The following MACC1 variants were observed in gnomAD, a reference collection of about 807,000 sequenced individuals.
MACC1 encodes the protein metastasis-associated in colon cancer protein 1.
A neutral mutation model predicts 70.7 loss-of-function variants in MACC1; 79 were observed. That is an observed-to-expected ratio of 1.12 (90% CI 0.93 to 1.35). The LOEUF is 1.35. MACC1 is among the 40% of genes most tolerant of loss of function. MACC1 has a pLI of 0.00. For synonymous variants in MACC1, 361 were observed against 347.2 expected (o/e 1.04, Z -0.44); for missense variants, 1,106 against 978.1 (o/e 1.13, Z -1.74).
Position 20,186,113 on chromosome 7 carries a change from T to C in MACC1, c.-217-15335A>G, listed in dbSNP as rs147230830. The stretch of plus-strand genomic sequence containing the variant: ...GACAGAGCTACTATTACATTTACGA[T>C]AGAGTTCCAGTTCAGTAAAGCCTAG... On this transcript the variant is annotated intron_variant, in intron 1 of 6. Transcript: ENST00000400331. Among the ~76,000 whole-genome samples, 1,292 of 152,354 alleles carry C rather than the reference T, an allele frequency of 8.5e-3. 21 individuals are homozygous for C. The highest frequency in any genetic ancestry group is 0.028 in the African/African-American group (1,181 of 41,584).
Position 20,159,097 on chromosome 7 carries a change from TC to T in MACC1, c.1263del (p.Lys422SerfsTer12). On this transcript the variant is annotated frameshift_variant, in exon 5 of 7. Transcript: ENST00000400331. LOFTEE classifies it high-confidence loss of function. The part of the protein sequence containing the change: ...NISPVVFQLW[G>X]KQSFLLDKPQ... The stretch of plus-strand genomic sequence containing the variant: ...GGCTTGTCAAGTAAAAATGACTGCT[TC>T]CCCCAGAGCTGAAACACAACTGGAG... 1 of 1,613,152 alleles carries T rather than the reference TC, an allele frequency of 6.2e-7. No homozygotes were observed. The highest frequency in any genetic ancestry group is 1.3e-5 in the African/African-American group (1 of 74,942).
intron 5 of MACC1, among the ~76,000 whole-genome samples, chr7:20,155,400 A>T (rs1782041028): frequency 6.6e-6 from 1 of 152,232 alleles, no homozygotes; most frequent in Non-Finnish European, 1.5e-5. Context: ...ATTAACAACA[A>T]TAACTAGTAA....
intron 1 of MACC1, among the ~76,000 whole-genome samples, chr7:20,210,460 G>T (rs764928185): frequency 1.3e-5 from 2 of 152,036 alleles, no homozygotes; most frequent in Non-Finnish European, 2.9e-5. Flanking sequence ...TCATCCCTAT[G>T]TACCCAGTGC....
intron 1 of MACC1, among the ~76,000 whole-genome samples, chr7:20,194,007 G>T (rs997624107): frequency 6.6e-5 from 10 of 152,160 alleles, no homozygotes; most frequent in African/African-American, 2.2e-4. Context: ...ATTTAGGTAA[G>T]GTTTGTGGCC....
At chr7:20,216,039 G>A (rs985857307) in intron 1 of MACC1, among the ~76,000 whole-genome samples, 3 of 151,900 alleles carry the variant, frequency 2.0e-5, no homozygotes, top group African/African-American at 7.3e-5. Flanking sequence ...ATTAAAAATC[G>A]CTATTATGAA....
intron 1 of MACC1, among the ~76,000 whole-genome samples, chr7:20,202,491 A>G (rs1186271703): frequency 6.6e-6 from 1 of 152,322 alleles, no homozygotes; most frequent in East Asian, 1.9e-4. Context: ...TGGGACCCGG[A>G]ACCAAAAAAC....
chr7:20,148,836 A>T (rs932024269), intron 6 of MACC1, among the ~76,000 whole-genome samples: 10 of 152,234 alleles, frequency 6.6e-5, no homozygotes, highest in Non-Finnish European at 8.8e-5. Context: ...CAAACAATGG[A>T]GATTTGAGAT....
At chr7:20,148,537 T>C (rs1371863715) in intron 6 of MACC1, among the ~76,000 whole-genome samples, 1 of 152,184 alleles carries the variant, frequency 6.6e-6, no homozygotes. Flanking sequence ...TTAAATCCAT[T>C]TTGAATTTTC....
intron 5 of MACC1, among the ~76,000 whole-genome samples, chr7:20,157,657 T>C (rs1782074367): frequency 6.7e-6 from 1 of 148,916 alleles, no homozygotes; most frequent in Admixed American, 6.7e-5. Flanking sequence ...TGGCGGCACA[T>C]GCCTGCAGTC....
chr7:20,160,336 C>T lies in MACC1; in HGVS notation c.116-91G>A, dbSNP rs1053128685. 1.1e-4 allele frequency: 148 copies of T among 1,408,964 alleles called. No individual in the cohort carries two copies. The East Asian group carries it at 3.7e-3, about 35-fold the overall frequency. 87.3% of individuals were successfully genotyped at this position (1,408,964 alleles called of 1,614,324 possible). A position where few individuals can be genotyped will look rare whatever the true frequency, so the allele number is the denominator to read the frequency against. ...TAATTTTTCCCATAGCTTAAAAATTCAGGACTTACTTTTCATTTTTCTTTC... is the reference window on the plus strand; with the variant it reads ...TAATTTTTCCCATAGCTTAAAAATTTAGGACTTACTTTTCATTTTTCTTTC... On this transcript the variant is annotated intron_variant, in intron 4 of 6. Coordinates refer to ENST00000400331, the MANE Select transcript of MACC1 (RefSeq NM_182762.4).
intron 2 of MACC1, among the ~76,000 whole-genome samples, chr7:20,167,286 C>T (rs1213776192): frequency 2.0e-4 from 30 of 151,916 alleles, no homozygotes; most frequent in Admixed American, 2.0e-3. Flanking sequence ...ACCTCCACCT[C>T]CCGGGTTCAA....
chr7:20,140,814 C>A lies in MACC1; in HGVS notation c.*132G>T, dbSNP rs987134652. On this transcript the variant is annotated 3_prime_UTR_variant, in exon 7 of 7. Coordinates refer to ENST00000400331, the MANE Select transcript of MACC1 (RefSeq NM_182762.4). ...ATTCTTTCTTTCCTACACACACACACACACACACACAGACACACACACACA... is the reference window on the plus strand; with the variant it reads ...ATTCTTTCTTTCCTACACACACACAAACACACACACAGACACACACACACA... 1 of 542,892 alleles carries A rather than the reference C, an allele frequency of 1.8e-6. No individual in the cohort carries two copies. Among genetic ancestry groups the A allele is most frequent in the African/African-American group, 3.2e-5 (1 of 31,536 alleles). The allele number at this position is 542,892 out of a possible 1,614,324, so 33.6% of individuals were successfully genotyped here.
chr7:20,193,310 G>T (rs922248712), intron 1 of MACC1, among the ~76,000 whole-genome samples: 6 of 152,116 alleles, frequency 3.9e-5, no homozygotes, highest in African/African-American at 1.4e-4. Flanking sequence ...TATAAAAAAT[G>T]GTTACAAAGT....
In MACC1 at chr7:20,189,191, AT is replaced by A. The variant is rs370459345; in HGVS notation, c.-217-18414del. On this transcript the variant is annotated intron_variant, in intron 1 of 6. Transcript: ENST00000400331. ...CTGGCCTCCTTATTTTTTAAAAAAA[AT>A]AATATACACTTCTCATTGTACTTCT... Among the ~76,000 whole-genome samples, 25 of 152,320 alleles carry A rather than the reference AT, an allele frequency of 1.6e-4. No individual in the cohort carries two copies. The East Asian group carries it at 3.7e-3, about 22-fold the overall frequency.
intron 1 of MACC1, among the ~76,000 whole-genome samples, chr7:20,202,607 T>C (rs975776356): frequency 6.6e-6 from 1 of 152,218 alleles, no homozygotes; most frequent in Non-Finnish European, 1.5e-5. Context: ...AATTAAATGA[T>C]TTACTATCTG....
At position 20,143,635 on chromosome 7, in the gene MACC1, C is replaced by T. The variant is rs531353637; in HGVS notation, c.2347-2477G>A. On this transcript the variant is annotated intron_variant, in intron 6 of 6. Transcript: ENST00000400331. ...TGATCTCCTGACCTCATGATCCGCCCGCCTCGGACTCGCAAAGTGCTGGGA... is the reference window on the plus strand; with the variant it reads ...TGATCTCCTGACCTCATGATCCGCCTGCCTCGGACTCGCAAAGTGCTGGGA... 3.7e-4 allele frequency among the ~76,000 whole-genome samples: 57 copies of T among 152,072 alleles called. 2 individuals are homozygous for T. Among genetic ancestry groups the T allele is most frequent in the South Asian group, 1.2e-3 (6 of 4,818 alleles).
chr7:20,199,018 G>T (rs1782793457), intron 1 of MACC1, among the ~76,000 whole-genome samples: 1 of 152,196 alleles, frequency 6.6e-6, no homozygotes, highest in Middle Eastern at 3.2e-3. Context: ...AATATTTTAT[G>T]CGAGTGTATT....
intron 1 of MACC1, among the ~76,000 whole-genome samples, chr7:20,177,119 T>C (rs1782405497): frequency 6.6e-6 from 1 of 152,074 alleles, no homozygotes; most frequent in African/African-American, 2.4e-5. Context: ...ATGGTCCCTT[T>C]AGGGGAACTA....
chr7:20,165,762 G>A (rs1347857339), intron 2 of MACC1, among the ~76,000 whole-genome samples: 1 of 151,922 alleles, frequency 6.6e-6, no homozygotes, highest in Non-Finnish European at 1.5e-5. Context: ...TGAGAATAGA[G>A]TACTCTAGTA....
Sources: allele counts gnomAD v4.1 joint callset (sites outside exome capture counted in the v4.1 genomes callset), GRCh38; gene constraint gnomAD v4.1.1; transcripts MANE v1.5; gene names NCBI Gene and HGNC (gene_info 2026-07-23, HGNC 2026-07-21).